The following KLF12 variants were observed in gnomAD, a reference collection of about 807,000 sequenced individuals.
KLF12 encodes the protein Krueppel-like factor 12.
KLF12 carries 9 observed loss-of-function variants against 37.8 expected under a neutral mutation model. The ratio of observed to expected loss-of-function variants is 0.24; its 90% CI spans 0.14 to 0.42. The LOEUF (loss-of-function observed/expected upper bound fraction) is 0.42. KLF12 is among the 10% of genes least tolerant of loss of function. The probability of loss-of-function intolerance (pLI) is 1.00; values close to 1 mark genes in which losing one functional copy is unlikely to be tolerated. For synonymous variants in KLF12, 208 were observed against 202.1 expected (o/e 1.03, Z -0.25); for missense variants, 411 against 516.0 (o/e 0.80, Z 1.97).
At chr13:74,010,906 A>C (rs887542655) in intron 1 of KLF12, among the ~76,000 whole-genome samples, 1 of 152,230 alleles carries the variant, frequency 6.6e-6, no homozygotes, top group Non-Finnish European at 1.5e-5. Context: ...AAGTAAACTA[A>C]AACATACAAA....
intron 6 of KLF12, among the ~76,000 whole-genome samples, chr13:73,761,343 C>G (rs1879534925): frequency 6.6e-6 from 1 of 152,006 alleles, no homozygotes; most frequent in African/African-American, 2.4e-5. Flanking sequence ...GAGCTACAGG[C>G]AATGAAAAAG....
the KLF12 span, among the ~76,000 whole-genome samples, chr13:74,278,948 C>T: frequency 6.6e-6 from 1 of 152,158 alleles, no homozygotes; most frequent in African/African-American, 2.4e-5. Context: ...CACCACTTTC[C>T]ATGGTGGGGA....
intron 1 of KLF12, among the ~76,000 whole-genome samples, chr13:74,023,817 A>T (rs1593838085): frequency 6.6e-6 from 1 of 152,230 alleles, no homozygotes; most frequent in African/African-American, 2.4e-5. Flanking sequence ...AAGGGGGCTG[A>T]TAGCTACTAT....
intron 6 of KLF12, among the ~76,000 whole-genome samples, chr13:73,730,918 C>T (rs1877009950): frequency 6.6e-6 from 1 of 151,890 alleles, no homozygotes; most frequent in African/African-American, 2.4e-5. Flanking sequence ...CTGGAAGTGC[C>T]ATGATTTTGT....
Position 73,980,827 on chromosome 13 carries a change from C to T in KLF12, c.33+14163G>A, listed in dbSNP as rs115884632. Among the ~76,000 whole-genome samples, 795 of 152,200 alleles carry T rather than the reference C, an allele frequency of 5.2e-3. 8 individuals are homozygous for T. The highest frequency in any genetic ancestry group is 0.018 in the African/African-American group (744 of 41,516). ...TGTCAGCAGACACCCACAGTTAGTA[C>T]GGACGTGGTAAAATGGGACTATTAA... On this transcript the variant is annotated intron_variant, in intron 2 of 7. Coordinates refer to ENST00000377669, the MANE Select transcript of KLF12 (RefSeq NM_007249.5).
intron 2 of KLF12, among the ~76,000 whole-genome samples, chr13:73,977,034 A>G (rs1391859301): frequency 1.3e-5 from 2 of 151,886 alleles, no homozygotes; most frequent in Non-Finnish European, 2.9e-5. Context: ...GGATGTATAC[A>G]ATAAGAAGAC....
chr13:74,013,728 G>T (rs770279987), intron 1 of KLF12, among the ~76,000 whole-genome samples: 1 of 152,020 alleles, frequency 6.6e-6, no homozygotes, highest in Non-Finnish European at 1.5e-5. Context: ...TATTTTACTT[G>T]TAGGGTTTTT....
chr13:74,109,147 A>G (rs1042658577), intron 1 of KLF12, among the ~76,000 whole-genome samples: 2 of 152,222 alleles, frequency 1.3e-5, no homozygotes, highest in Non-Finnish European at 2.9e-5. Flanking sequence ...GATAAAACAG[A>G]TAAATCATCA....
In KLF12 at chr13:73,994,690, T is replaced by C. The variant is rs560853068; in HGVS notation, c.33+300A>G. Among the ~76,000 whole-genome samples, 5 of 152,306 alleles carry C rather than the reference T, an allele frequency of 3.3e-5. No individual in the cohort carries two copies. In the South Asian group the frequency reaches 1.0e-3, roughly 32 times the overall value. On this transcript the variant is annotated intron_variant, in intron 2 of 7. Coordinates refer to ENST00000377669, the MANE Select transcript of KLF12 (RefSeq NM_007249.5). Reference sequence around the variant, plus strand: ...CTTCTTTTTTTGTACCAGTGATCAGTTGCATCAAGCAGTTTTCCATTTTTT... The same window carrying C: ...CTTCTTTTTTTGTACCAGTGATCAGCTGCATCAAGCAGTTTTCCATTTTTT...
At chr13:74,010,236 C>T (rs1212245163) in intron 1 of KLF12, among the ~76,000 whole-genome samples, 2 of 152,082 alleles carry the variant, frequency 1.3e-5, no homozygotes, top group Non-Finnish European at 2.9e-5. Flanking sequence ...CACCACCACG[C>T]CCAGATGTTT....
At chr13:73,908,317 G>A (rs1593708809) in intron 3 of KLF12, among the ~76,000 whole-genome samples, 2 of 149,284 alleles carry the variant, frequency 1.3e-5, no homozygotes, top group African/African-American at 4.9e-5. Context: ...CGGGAGAATC[G>A]CTTGAACCCA....
chr13:73,941,436 G>C (rs984760042), intron 3 of KLF12, among the ~76,000 whole-genome samples: 1 of 152,122 alleles, frequency 6.6e-6, no homozygotes, highest in African/African-American at 2.4e-5. Context: ...ATACATGTGA[G>C]TGTAATTATT....
At chr13:73,703,988 A>G (rs181027362) in intron 7 of KLF12, among the ~76,000 whole-genome samples, 2 of 152,318 alleles carry the variant, frequency 1.3e-5, no homozygotes, top group Admixed American at 1.3e-4. Context: ...GTGTAAGTAA[A>G]AAGTTCAAGG....
intron 3 of KLF12, among the ~76,000 whole-genome samples, chr13:73,920,520 A>G (rs1024966620): frequency 6.6e-6 from 1 of 152,020 alleles, no homozygotes; most frequent in Non-Finnish European, 1.5e-5. Context: ...CCCTTTCTCT[A>G]TTTTCCAAAT....
chr13:74,255,470 A>G, the KLF12 span, among the ~76,000 whole-genome samples: 2 of 152,228 alleles, frequency 1.3e-5, no homozygotes, highest in African/African-American at 4.8e-5. Context: ...ATGTGGTATC[A>G]TTTAACAGCA....
At chr13:74,269,260 C>T in the KLF12 span, among the ~76,000 whole-genome samples, 2 of 152,108 alleles carry the variant, frequency 1.3e-5, no homozygotes, top group Non-Finnish European at 2.9e-5. Flanking sequence ...AGTGTAGTCA[C>T]TTCTGTATTA....
rs151092179 is a variant in KLF12, at chr13:74,127,778, T to C, written c.-32+5961A>G. Among the ~76,000 whole-genome samples the C allele has an allele frequency of 1.8e-3, 273 of 152,332 alleles. 1 individual carries two copies. The highest frequency in any genetic ancestry group is 6.0e-3 in the African/African-American group (250 of 41,570). On this transcript the variant is annotated intron_variant, in intron 1 of 7. Transcript: ENST00000377669. Reference sequence around the variant, plus strand: ...TACCTTTATTGTGCATTTTGTATAATGTTAGTTAAGAATAACATATAGCAT... The same window carrying C: ...TACCTTTATTGTGCATTTTGTATAACGTTAGTTAAGAATAACATATAGCAT...
intron 1 of KLF12, among the ~76,000 whole-genome samples, chr13:74,076,208 T>G (rs747008133): frequency 6.6e-6 from 1 of 152,254 alleles, no homozygotes; most frequent in African/African-American, 2.4e-5. Context: ...AAGGTAGATT[T>G]ACTTTCTTCA....
chr13:74,234,034 A>T, the KLF12 span, among the ~76,000 whole-genome samples: 5 of 152,216 alleles, frequency 3.3e-5, no homozygotes, highest in African/African-American at 9.6e-5. Flanking sequence ...TGGCTCATTA[A>T]TTGTAACCAA....
Sources: allele counts gnomAD v4.1 joint callset (sites outside exome capture counted in the v4.1 genomes callset), GRCh38; gene constraint gnomAD v4.1.1; transcripts MANE v1.5; gene names NCBI Gene and HGNC (gene_info 2026-07-23, HGNC 2026-07-21).